SRPK2: variants seen among roughly 807,000 people sequenced by gnomAD.
SRPK2 encodes SFRS protein kinase 2.
Under a neutral mutation model 90.8 loss-of-function variants are expected in SRPK2, and 21 were observed. The observed-to-expected ratio is 0.23, with a 90% CI of 0.16 to 0.33. The LOEUF (loss-of-function observed/expected upper bound fraction) is 0.33, where lower values mean the gene tolerates loss of function less well. Among genes scored for constraint, SRPK2 ranks in the 10% least tolerant of loss-of-function variants. SRPK2 has a pLI of 1.00. For synonymous variants in SRPK2, 288 were observed against 311.1 expected, an observed-to-expected ratio of 0.93 and a Z score of 0.78; for missense variants, 620 against 869.0, an observed-to-expected ratio of 0.71 and a Z score of 3.60.
chr7:105,247,471 C>T (rs189666083), intron 2 of SRPK2, among the ~76,000 whole-genome samples: 75 of 150,998 alleles, frequency 5.0e-4, no homozygotes, highest in Admixed American at 4.6e-3. Context: ...GCCAATAATG[C>T]CTACACAACT....
chr7:105,267,623 G>T (rs1026758918), intron 2 of SRPK2, among the ~76,000 whole-genome samples: 7 of 152,124 alleles, frequency 4.6e-5, no homozygotes, highest in African/African-American at 1.7e-4. Flanking sequence ...ATTTTTATTT[G>T]TGATGCCCTA....
chr7:105,356,611 T>C (rs1190231893), intron 2 of SRPK2, among the ~76,000 whole-genome samples: 6 of 152,088 alleles, frequency 3.9e-5, no homozygotes, highest in Non-Finnish European at 7.4e-5. Flanking sequence ...ATTTGATAGT[T>C]TGGGGCAAAA....
intron 2 of SRPK2, among the ~76,000 whole-genome samples, chr7:105,235,052 G>A (rs1799954448): frequency 6.7e-6 from 1 of 148,828 alleles, no homozygotes; most frequent in South Asian, 2.2e-4. Flanking sequence ...CGTATCTTAT[G>A]TGTGGCCCAA....
intron 2 of SRPK2, among the ~76,000 whole-genome samples, chr7:105,300,728 A>C (rs1810439824): frequency 6.6e-6 from 1 of 152,216 alleles, no homozygotes. Context: ...CACTTCTCAA[A>C]AGAAGACATT....
chr7:105,338,303 T>G (rs1815348870), intron 2 of SRPK2, among the ~76,000 whole-genome samples: 2 of 152,318 alleles, frequency 1.3e-5, no homozygotes, highest in Middle Eastern at 3.4e-3. Context: ...TAGCATGATC[T>G]CCGCTCACTG....
chr7:105,153,130 G>C (rs565046013), intron 7 of SRPK2, among the ~76,000 whole-genome samples: 2 of 152,096 alleles, frequency 1.3e-5, no homozygotes, highest in Non-Finnish European at 2.9e-5. Context: ...AAGCCCAGAC[G>C]AGCCAGGGAC....
rs76847849 is a variant in SRPK2 at position 105,292,146 on chromosome 7, G to A, written c.72-88361C>T. Among the ~76,000 whole-genome samples the A allele has an allele frequency of 3.2e-3, 489 of 152,276 alleles. 3 individuals are homozygous for A. The highest frequency in any genetic ancestry group is 0.011 in the African/African-American group (470 of 41,548). Reference sequence around the variant, plus strand: ...TGATTCTTGACAGTCATATGTTCATGAGTTGAAAGGTTACCTATCTTAACT... The same window carrying A: ...TGATTCTTGACAGTCATATGTTCATAAGTTGAAAGGTTACCTATCTTAACT... On this transcript the variant is annotated intron_variant, in intron 2 of 15. Coordinates refer to ENST00000393651, the MANE Select transcript of SRPK2 (RefSeq NM_182692.3).
At chr7:105,160,883 A>G (rs1013841895) in intron 6 of SRPK2, among the ~76,000 whole-genome samples, 8 of 152,178 alleles carry the variant, frequency 5.3e-5, no homozygotes, top group African/African-American at 1.4e-4. Context: ...CCTCTTCAGT[A>G]AACTGGTGTA....
At chr7:105,384,308 A>G (rs901141627) in intron 2 of SRPK2, among the ~76,000 whole-genome samples, 1 of 152,216 alleles carries the variant, frequency 6.6e-6, no homozygotes, top group African/African-American at 2.4e-5. Context: ...ATTAATAATA[A>G]GCAAACTAAA....
chr7:105,330,770 A>G (rs1321978423), intron 2 of SRPK2, among the ~76,000 whole-genome samples: 1 of 152,184 alleles, frequency 6.6e-6, no homozygotes, highest in Non-Finnish European at 1.5e-5. Context: ...GCTTGAGGCC[A>G]GAAGTTTGAA....
chr7:105,199,625 TG>T (rs1795307381), intron 3 of SRPK2, among the ~76,000 whole-genome samples: 1 of 152,064 alleles, frequency 6.6e-6, no homozygotes, highest in Middle Eastern at 3.2e-3. Context: ...GCAATGAGGA[TG>T]GGAAGAGCCC....
At chr7:105,165,578 C>G (rs1585016354) in intron 6 of SRPK2, among the ~76,000 whole-genome samples, 1 of 152,082 alleles carries the variant, frequency 6.6e-6, no homozygotes, top group Non-Finnish European at 1.5e-5. Flanking sequence ...GACCAGTGGT[C>G]TGTGTCTAAA....
chr7:105,296,417 G>A (rs1809823792), intron 2 of SRPK2, among the ~76,000 whole-genome samples: 1 of 152,006 alleles, frequency 6.6e-6, no homozygotes, highest in South Asian at 2.1e-4. Context: ...AAATAGTTTT[G>A]AGCCTCTGAA....
intron 2 of SRPK2, chr7:105,244,718 G>C: frequency 8.6e-7 from 1 of 1,161,798 alleles, no homozygotes; most frequent in South Asian, 1.3e-5. Flanking sequence ...GAACGTGAGC[G>C]AGCCCAGGCA....
Position 105,373,547 on chromosome 7 carries a change from C to T in SRPK2, c.71+15101G>A, listed in dbSNP as rs558132324. On this transcript the variant is annotated intron_variant, in intron 2 of 15. Transcript: ENST00000393651. ...CCTCCCTATGAACTGGGATTACAGG[C>T]GTGCACCACCACATCCAGCTGATTT... is the stretch of plus-strand genomic sequence containing the variant. 4.8e-4 allele frequency among the ~76,000 whole-genome samples: 73 copies of T among 151,774 alleles called. No individual in the cohort carries two copies. In the Middle Eastern group the frequency reaches 0.014, roughly 29 times the overall value.
At chr7:105,255,237 T>C (rs570747699) in intron 2 of SRPK2, among the ~76,000 whole-genome samples, 7 of 151,546 alleles carry the variant, frequency 4.6e-5, no homozygotes, top group African/African-American at 1.4e-4. Context: ...AAGAGCAATG[T>C]TAATTATTTC....
intron 2 of SRPK2, among the ~76,000 whole-genome samples, chr7:105,212,772 A>G (rs1345011258): frequency 1.3e-5 from 2 of 152,252 alleles, no homozygotes; most frequent in African/African-American, 4.8e-5. Flanking sequence ...AGAGATGATT[A>G]AAAACTGGAA....
chr7:105,278,180 G>GT (rs61482811), intron 2 of SRPK2, among the ~76,000 whole-genome samples: 5,353 of 151,742 alleles, frequency 0.035, 332 homozygotes, highest in African/African-American at 0.12. Flanking sequence ...ACCAGGTGTG[G>GT]TGGAGCATGC....
chr7:105,218,224 A>G (rs1797696434), intron 2 of SRPK2, among the ~76,000 whole-genome samples: 1 of 152,230 alleles, frequency 6.6e-6, no homozygotes, highest in Non-Finnish European at 1.5e-5. Context: ...AAGAATTTGA[A>G]GTTAATTTGC....
Sources: allele counts gnomAD v4.1 joint callset (sites outside exome capture counted in the v4.1 genomes callset), GRCh38; gene constraint gnomAD v4.1.1; transcripts MANE v1.5; gene names NCBI Gene and HGNC (gene_info 2026-07-23, HGNC 2026-07-21).